The following RTN4 variants were observed in gnomAD, a reference collection of about 807,000 sequenced individuals.
The protein encoded by RTN4 is reticulon 4.
Under a neutral mutation model 90.4 loss-of-function variants are expected in RTN4, and 32 were observed. That is an observed-to-expected ratio of 0.35 (90% CI 0.27 to 0.48). The LOEUF (loss-of-function observed/expected upper bound fraction) is 0.48. Among genes scored for constraint, RTN4 ranks in the 20% least tolerant of loss-of-function variants. The pLI, the probability that RTN4 is intolerant of heterozygous loss-of-function variation, is 0.99. For synonymous variants in RTN4, 629 were observed against 552.5 expected, an observed-to-expected ratio of 1.14 and a Z score of -1.94; for missense variants, 1,706 against 1,430.2, an observed-to-expected ratio of 1.19 and a Z score of -3.11.
intron 2 of RTN4, among the ~76,000 whole-genome samples, chr2:55,064,134 A>G (rs1325513362): frequency 1.3e-5 from 2 of 150,528 alleles, no homozygotes. Flanking sequence ...AGGCAGGAGG[A>G]TTCCTTGAAC....
intron 1 of RTN4, among the ~76,000 whole-genome samples, chr2:55,048,546 C>A (rs540669710): frequency 6.6e-6 from 1 of 151,412 alleles, no homozygotes; most frequent in Non-Finnish European, 1.5e-5. Context: ...AACGCATTAC[C>A]CTAGGCCTAC....
At chr2:55,015,353 T>C (rs1257038367) in intron 3 of RTN4, among the ~76,000 whole-genome samples, 1 of 152,080 alleles carries the variant, frequency 6.6e-6, no homozygotes, top group Non-Finnish European at 1.5e-5. Context: ...TTTAAATAGA[T>C]CAGAACTAAG....
At chr2:55,113,770 A>C (rs138996397), upstream of RTN4, among the ~76,000 whole-genome samples, 10 of 152,286 alleles carry the variant, frequency 6.6e-5, 1 homozygote, top group East Asian at 1.9e-3. Flanking sequence ...GTCCAAAGTG[A>C]CTGGAGACCA....
chr2:55,088,686 A>G (rs553664091), intron 1 of RTN4, among the ~76,000 whole-genome samples: 17 of 152,236 alleles, frequency 1.1e-4, no homozygotes, highest in Non-Finnish European at 2.2e-4. Flanking sequence ...AAATACATTC[A>G]AAATGATGAC....
At chr2:55,054,412 G>GCT (rs1188318499), upstream of RTN4, among the ~76,000 whole-genome samples, 1 of 152,202 alleles carries the variant, frequency 6.6e-6, no homozygotes. Context: ...CACTACGCCA[G>GCT]ACACAAACGT....
intron 1 of RTN4, among the ~76,000 whole-genome samples, chr2:55,032,484 G>A (rs1189422650): frequency 2.6e-5 from 4 of 152,010 alleles, no homozygotes; most frequent in African/African-American, 7.3e-5. Context: ...GAGAAATATA[G>A]ACTAAAGGAC....
chr2:55,026,708 C>T lies in RTN4; in HGVS notation c.1391G>A (p.Cys464Tyr). The change falls in exon 3 of 9, where the codon TGT becomes TAT. Residue 464 changes from cysteine to tyrosine, a missense_variant. Cys to Tyr is a radical substitution (Grantham distance 194). Coordinates refer to ENST00000337526, the MANE Select transcript of RTN4 (RefSeq NM_020532.5). ...IKDRSGAYIT[C>Y]APFNPAATES... is the part of the protein sequence containing the mutation. ...AGTTGCTGCTGGGTTAAAGGGAGCA[C>T]ATGTGATATATGCTCCTGAACGATC... is the stretch of plus-strand genomic sequence containing the variant. 1.2e-6 allele frequency: 2 copies of T among 1,613,492 alleles called. No individual in the cohort carries two copies. The highest frequency in any genetic ancestry group is 8.5e-7 in the Non-Finnish European group (1 of 1,179,534).
At chr2:55,084,633 C>T (rs1029385888) in intron 1 of RTN4, among the ~76,000 whole-genome samples, 22 of 152,166 alleles carry the variant, frequency 1.4e-4, no homozygotes, top group African/African-American at 5.1e-4. Flanking sequence ...GGGGCAGTCT[C>T]ATGGGATTGA....
intron 3 of RTN4, among the ~76,000 whole-genome samples, chr2:55,020,160 TAATAA>T (rs2104832662): frequency 6.6e-6 from 1 of 152,226 alleles, no homozygotes; most frequent in South Asian, 2.1e-4. Context: ...ATGCAATCCC[TAATAA>T]AATACCAATG....
intron 3 of RTN4, among the ~76,000 whole-genome samples, chr2:55,011,374 T>A (rs1680629171): frequency 6.6e-6 from 1 of 152,210 alleles, no homozygotes; most frequent in Admixed American, 6.5e-5. Context: ...ACAGCATTTT[T>A]AAAATCTGTG....
intron 1 of RTN4, among the ~76,000 whole-genome samples, chr2:55,088,782 A>G (rs1668886543): frequency 6.6e-6 from 1 of 152,198 alleles, no homozygotes; most frequent in Non-Finnish European, 1.5e-5. Context: ...GAACACAGAA[A>G]AGGAGAGAGG....
At chr2:54,996,208 C>A (rs1161032213) in intron 3 of RTN4, among the ~76,000 whole-genome samples, 1 of 152,064 alleles carries the variant, frequency 6.6e-6, no homozygotes, top group Non-Finnish European at 1.5e-5. Flanking sequence ...TTAAAGATGA[C>A]TTAAATAATT....
intron 3 of RTN4, among the ~76,000 whole-genome samples, chr2:55,001,218 A>C (rs1679831101): frequency 6.6e-6 from 1 of 152,148 alleles, no homozygotes; most frequent in Non-Finnish European, 1.5e-5. Context: ...CCAATCCTAC[A>C]CCCAGGATAG....
At chr2:55,019,906 A>G (rs1469673940) in intron 3 of RTN4, among the ~76,000 whole-genome samples, 1 of 152,096 alleles carries the variant, frequency 6.6e-6, no homozygotes, top group Non-Finnish European at 1.5e-5. Flanking sequence ...CTTTACACAA[A>G]CAACAAACTA....
upstream of RTN4, among the ~76,000 whole-genome samples, chr2:55,113,853 C>T (rs1277389433): frequency 6.6e-6 from 1 of 152,128 alleles, no homozygotes; most frequent in Non-Finnish European, 1.5e-5. Flanking sequence ...AAACACAGGC[C>T]CTTCACTGCT....
intron 2 of RTN4, among the ~76,000 whole-genome samples, chr2:55,065,199 C>G (rs903520215): frequency 6.6e-6 from 1 of 152,212 alleles, no homozygotes; most frequent in Non-Finnish European, 1.5e-5. Flanking sequence ...CAATATCCAG[C>G]TTACATAAAT....
intron 4 of RTN4, among the ~76,000 whole-genome samples, chr2:54,983,635 T>C (rs927832772): frequency 2.6e-5 from 4 of 152,232 alleles, no homozygotes; most frequent in African/African-American, 9.6e-5. Context: ...GCCATCACTC[T>C]ATTTTAAGCA....
At position 55,027,455 on chromosome 2, in the gene RTN4, T is replaced by C; in HGVS notation, c.644A>G (p.Asn215Ser). 6.2e-7 allele frequency: 1 copy of C among 1,610,728 alleles called. No homozygotes were observed. Among genetic ancestry groups the C allele is most frequent in the Non-Finnish European group, 8.5e-7 (1 of 1,178,520 alleles). ...ATCCTCTTGACCAGCCGAAATAGTG[T>C]TACCTGGCTGCTCCTTCAAGTCCAT... ...ENMDLKEQPG[N>S]TISAGQEDFP... Residue 215 changes from asparagine to serine, a missense_variant, in exon 3 of 9, where the codon AAC becomes AGC. Transcript: ENST00000337526.
chr2:55,068,366 C>A (rs1396773519), intron 2 of RTN4, among the ~76,000 whole-genome samples: 1 of 152,052 alleles, frequency 6.6e-6, no homozygotes, highest in Non-Finnish European at 1.5e-5. Flanking sequence ...TCTTCCCAAG[C>A]TTGACACATT....
Sources: gnomAD v4.1 joint callset for allele counts (sites outside exome capture counted in the v4.1 genomes callset) on GRCh38, gnomAD v4.1.1 for gene constraint, MANE v1.5 for transcripts, NCBI Gene and HGNC (gene_info 2026-07-23, HGNC 2026-07-21) for gene names.